The following IRAK1BP1 variants were observed in gnomAD, a reference collection of about 807,000 sequenced individuals.
The protein encoded by IRAK1BP1 is interleukin-1 receptor-associated kinase 1-binding protein 1.
In IRAK1BP1, 24 loss-of-function variants were observed where a neutral mutation model predicts 28.0. That is an observed-to-expected ratio of 0.86 (90% CI 0.62 to 1.20). The LOEUF (loss-of-function observed/expected upper bound fraction) is 1.20. IRAK1BP1 is among the 50% of genes most tolerant of loss of function. The pLI is 0.00. For synonymous variants in IRAK1BP1, 131 were observed against 116.3 expected, an observed-to-expected ratio of 1.13 and a Z score of -0.81; for missense variants, 336 against 316.7, an observed-to-expected ratio of 1.06 and a Z score of -0.46.
the IRAK1BP1 span, chr6:78,956,427 C>A: frequency 6.6e-6 from 1 of 152,106 alleles, no homozygotes; most frequent in South Asian, 2.1e-4. Context: ...GCTATTTATG[C>A]TTTTTGTCTC....
chr6:78,961,141 T>G, the IRAK1BP1 span, among the ~76,000 whole-genome samples: 1 of 152,050 alleles, frequency 6.6e-6, no homozygotes, highest in African/African-American at 2.4e-5. Context: ...ATAATGCAAA[T>G]TAATTGAAAT....
intron 4 of IRAK1BP1, chr6:78,937,789 T>C (rs1773330585): frequency 6.6e-6 from 1 of 151,772 alleles, no homozygotes; most frequent in Admixed American, 6.6e-5. Context: ...GCTGTGAGTC[T>C]CTGATTAGAC....
chr6:78,923,242 A>G (rs1321491749), intron 4 of IRAK1BP1, among the ~76,000 whole-genome samples: 3 of 149,868 alleles, frequency 2.0e-5, no homozygotes, highest in African/African-American at 4.8e-5. Flanking sequence ...TACCAAGCAC[A>G]TGGAAAAAAA....
At chr6:78,958,501 C>A in the IRAK1BP1 span, 1 of 1,552,056 alleles carries the variant, frequency 6.4e-7, no homozygotes, top group South Asian at 1.1e-5. Context: ...GAAGATCAGT[C>A]ACGAATTTAG....
At chr6:78,963,649 A>T in the IRAK1BP1 span, among the ~76,000 whole-genome samples, 1 of 152,192 alleles carries the variant, frequency 6.6e-6, no homozygotes, top group Non-Finnish European at 1.5e-5. Context: ...ACTTCAATCA[A>T]AGCTTCAATT....
intron 4 of IRAK1BP1, among the ~76,000 whole-genome samples, chr6:78,913,632 G>A (rs944687190): frequency 9.9e-5 from 15 of 152,088 alleles, no homozygotes; most frequent in East Asian, 1.9e-4. Context: ...GTGATAGAGC[G>A]AGACTCTGTC....
chr6:78,881,383 A>G (rs1433514209), intron 1 of IRAK1BP1, among the ~76,000 whole-genome samples: 1 of 152,206 alleles, frequency 6.6e-6, no homozygotes, highest in African/African-American at 2.4e-5. Flanking sequence ...GTGGTTGACT[A>G]AAAGAGATGC....
the IRAK1BP1 span, among the ~76,000 whole-genome samples, chr6:78,968,165 C>G: frequency 1.8e-4 from 27 of 152,040 alleles, no homozygotes; most frequent in Admixed American, 1.3e-4. Context: ...TTTATCATAT[C>G]AAGTAATGTA....
At chr6:78,964,412 A>G in the IRAK1BP1 span, among the ~76,000 whole-genome samples, 2 of 152,144 alleles carry the variant, frequency 1.3e-5, no homozygotes, top group Admixed American at 1.3e-4. Flanking sequence ...ATAAAAGATT[A>G]TTTCTACTAT....
chr6:78,888,731 C>T (rs1028213281), intron 2 of IRAK1BP1, among the ~76,000 whole-genome samples: 15 of 152,034 alleles, frequency 9.9e-5, no homozygotes, highest in African/African-American at 3.6e-4. Context: ...GTCTGGCCAA[C>T]TCCTGACCTC....
chr6:78,911,024 C>G (rs957335461), intron 4 of IRAK1BP1, among the ~76,000 whole-genome samples: 1 of 152,238 alleles, frequency 6.6e-6, no homozygotes, highest in Non-Finnish European at 1.5e-5. Context: ...CTTGACACTT[C>G]CCTCCTATGC....
intron 4 of IRAK1BP1, among the ~76,000 whole-genome samples, chr6:78,925,225 C>A (rs377750959): frequency 6.6e-6 from 1 of 151,914 alleles, no homozygotes; most frequent in Non-Finnish European, 1.5e-5. Context: ...TGTTAAATGA[C>A]GGAGTTAGTG....
chr6:78,926,374 C>A (rs1173974960), intron 4 of IRAK1BP1, among the ~76,000 whole-genome samples: 1 of 152,070 alleles, frequency 6.6e-6, no homozygotes, highest in African/African-American at 2.4e-5. Context: ...CTTGTATTTT[C>A]ATCACGGCAC....
At chr6:78,959,092 AG>A in the IRAK1BP1 span, among the ~76,000 whole-genome samples, 1 of 152,170 alleles carries the variant, frequency 6.6e-6, no homozygotes, top group Non-Finnish European at 1.5e-5. Context: ...ATAAAAATAT[AG>A]CATGCTAGTT....
chr6:78,935,826 A>C (rs1773253497), intron 4 of IRAK1BP1: 1 of 802,818 alleles, frequency 1.2e-6, no homozygotes. Flanking sequence ...GATGCCAAAA[A>C]ACTTTAAAAA....
Position 78,898,188 on chromosome 6 carries a change from G to A in IRAK1BP1, c.637G>A (p.Gly213Ser), listed in dbSNP as rs139260647. 680 of 1,613,408 alleles carry A rather than the reference G, an allele frequency of 4.2e-4. No homozygotes were observed. Among genetic ancestry groups the A allele is most frequent in the Non-Finnish European group, 5.5e-4 (649 of 1,179,870 alleles). ...AGAAGAAGAAACAAAAGAATGGGAA[G>A]GCCAAATAGATGATCACCAGTCATC... ...IKEEETKEWEGQIDDHQSSRL... is the reference protein window; with the variant it reads ...IKEEETKEWESQIDDHQSSRL... Residue 213 changes from glycine to serine, a missense_variant, in exon 4 of 4, where the codon GGC becomes AGC. By Grantham distance (56) the Gly-to-Ser change is moderately conservative. Coordinates refer to ENST00000369940, the MANE Select transcript of IRAK1BP1 (RefSeq NM_001010844.4).
the IRAK1BP1 span, among the ~76,000 whole-genome samples, chr6:78,975,469 AG>A: frequency 2.0e-5 from 3 of 152,234 alleles, no homozygotes; most frequent in African/African-American, 7.2e-5. Context: ...GGCACAAGAC[AG>A]GGATGCTCTC....
At chr6:78,940,903 C>T in intron 4 of IRAK1BP1, 1 of 1,613,796 alleles carries the variant, frequency 6.2e-7, no homozygotes, top group Non-Finnish European at 8.5e-7. Flanking sequence ...ACTCTTCTTC[C>T]TCATCTATAG....
At chr6:78,906,601 C>A (rs9448592), downstream of IRAK1BP1, among the ~76,000 whole-genome samples, 1 of 152,186 alleles carries the variant, frequency 6.6e-6, no homozygotes, top group East Asian at 1.9e-4. Context: ...TGGAGTGTTA[C>A]AATTTATTGA....
Sources: allele counts gnomAD v4.1 joint callset (sites outside exome capture counted in the v4.1 genomes callset), GRCh38; gene constraint gnomAD v4.1.1; transcripts MANE v1.5; gene names NCBI Gene and HGNC (gene_info 2026-07-23, HGNC 2026-07-21).